LEMD3: variants seen among roughly 807,000 people sequenced by gnomAD.
The protein encoded by LEMD3 is inner nuclear membrane protein Man1.
Under a neutral mutation model 95.2 loss-of-function variants are expected in LEMD3, and 33 were observed. The observed-to-expected ratio is 0.35, with a 90% confidence interval of 0.26 to 0.46. LEMD3 has a LOEUF of 0.46. Ranked by LOEUF, LEMD3 falls within the 20% of genes least tolerant of loss-of-function variation. The pLI is 1.00. For synonymous variants in LEMD3, 525 were observed against 474.6 expected, an observed-to-expected ratio of 1.11 and a Z score of -1.38; for missense variants, 1,210 against 1,192.8, an observed-to-expected ratio of 1.01 and a Z score of -0.21.
In LEMD3 at chr12:65,170,743, A is replaced by G. The variant is rs143295477; in HGVS notation, c.1147A>G (p.Thr383Ala). The change falls in exon 1 of 13, where the codon ACA (threonine) becomes GCA (alanine). Residue 383 changes from threonine (T) to alanine (A), a missense_variant. Thr to Ala is a moderately conservative substitution (Grantham distance 58, BLOSUM62 0). Coordinates refer to ENST00000308330, the MANE Select transcript of LEMD3 (RefSeq NM_014319.5). The stretch of plus-strand genomic sequence containing the variant: ...CATGGACTCAACCTTGGATTCGTCA[A>G]CAGGCTCCCTTCTGAAAACCAATAA... ...TDMDSTLDSSTGSLLKTNNHI... is the reference protein window; with the variant it reads ...TDMDSTLDSSAGSLLKTNNHI... 1.3e-5 allele frequency: 21 copies of G among 1,614,222 alleles called. No individual in the cohort carries two copies. The East Asian group carries it at 2.9e-4, about 22-fold the overall frequency.
intron 1 of LEMD3, among the ~76,000 whole-genome samples, chr12:65,174,659 T>C (rs1272160708): frequency 1.3e-5 from 2 of 152,238 alleles, no homozygotes; most frequent in Non-Finnish European, 1.5e-5. Context: ...TGTGTGTGTG[T>C]ATGTGTGTGT....
chr12:65,170,983 T>A lies in LEMD3; in HGVS notation c.1387T>A (p.Ser463Thr). 1 of 1,614,144 alleles carries A rather than the reference T, an allele frequency of 6.2e-7. No individual in the cohort carries two copies. Among genetic ancestry groups the A allele is most frequent in the Non-Finnish European group, 8.5e-7 (1 of 1,180,010 alleles). The change falls in exon 1 of 13, where the codon TCC becomes ACC. Residue 463 changes from serine (S) to threonine (T), a missense_variant. Transcript: ENST00000308330. ...CCAGCAATTTAAACGGGAGGAGGTG[T>A]CCCCAACAGGGAGTTTCAGTGCCCA... ...LLQQFKREEV[S>T]PTGSFSAHYL...
intron 4 of LEMD3, among the ~76,000 whole-genome samples, chr12:65,233,344 A>C (rs568756104): frequency 5.6e-4 from 85 of 152,318 alleles, no homozygotes; most frequent in Admixed American, 1.2e-3. Flanking sequence ...CAAAGTAGAT[A>C]CATCTGGATA....
intron 1 of LEMD3, among the ~76,000 whole-genome samples, chr12:65,184,292 G>A (rs948659792): frequency 2.0e-5 from 3 of 152,058 alleles, no homozygotes; most frequent in South Asian, 2.1e-4. Flanking sequence ...TTTTGAATAC[G>A]TTGTCTTCCA....
intron 10 of LEMD3, among the ~76,000 whole-genome samples, chr12:65,244,225 T>C (rs1429369566): frequency 1.3e-5 from 2 of 151,872 alleles, no homozygotes; most frequent in Non-Finnish European, 2.9e-5. Flanking sequence ...AAATTGGAAA[T>C]GTGAGGAAGC....
intron 1 of LEMD3, among the ~76,000 whole-genome samples, chr12:65,178,586 C>T (rs550200847): frequency 1.3e-5 from 2 of 152,262 alleles, no homozygotes; most frequent in Admixed American, 1.3e-4. Context: ...AAAACTCATA[C>T]ATGGCACATA....
chr12:65,189,665 T>A (rs1869177375), intron 1 of LEMD3, among the ~76,000 whole-genome samples: 1 of 152,218 alleles, frequency 6.6e-6, no homozygotes. Context: ...CTGCTCCCAT[T>A]TCTATCAAAG....
intron 1 of LEMD3, among the ~76,000 whole-genome samples, chr12:65,186,362 T>TA (rs1869063144): frequency 1.3e-5 from 2 of 152,102 alleles, no homozygotes; most frequent in South Asian, 4.1e-4. Flanking sequence ...CTTTAATTTT[T>TA]AAAAAATTGT....
intron 1 of LEMD3, among the ~76,000 whole-genome samples, chr12:65,193,732 CTGTGTG>C (rs746675293): frequency 7.3e-4 from 95 of 129,432 alleles, no homozygotes; most frequent in South Asian, 1.1e-3. Flanking sequence ...ACATAACTGG[CTGTGTG>C]TGTGTGTGTG....
intron 4 of LEMD3, among the ~76,000 whole-genome samples, chr12:65,222,977 T>G (rs1375060611): frequency 1.3e-5 from 2 of 152,204 alleles, no homozygotes; most frequent in Non-Finnish European, 2.9e-5. Flanking sequence ...ATTTTTAGTT[T>G]CATTTCATTG....
rs1327325410 is a variant in LEMD3 at position 65,217,287 on chromosome 12, C to CT, written c.1627+1245dup. ...ATACTACATAAGTGAATGAGCTTGG[C>CT]TGTATTCCAGTAAAACTTCATTTAT... On this transcript the variant is annotated intron_variant, in intron 3 of 12. Coordinates refer to ENST00000308330, the MANE Select transcript of LEMD3 (RefSeq NM_014319.5). Among the ~76,000 whole-genome samples, 8 of 152,302 alleles carry CT rather than the reference C, an allele frequency of 5.3e-5. 1 individual carries two copies. Among genetic ancestry groups the CT allele is most frequent in the African/African-American group, 1.9e-4 (8 of 41,576 alleles).
At chr12:65,226,153 A>G (rs1171366242) in intron 4 of LEMD3, among the ~76,000 whole-genome samples, 1 of 152,178 alleles carries the variant, frequency 6.6e-6, no homozygotes, top group Non-Finnish European at 1.5e-5. Context: ...GTGTCTTTCA[A>G]CTATTAGATT....
chr12:65,176,108 T>C (rs541715874), intron 1 of LEMD3, among the ~76,000 whole-genome samples: 5 of 152,226 alleles, frequency 3.3e-5, no homozygotes, highest in Non-Finnish European at 7.4e-5. Context: ...ATGGTGTCCC[T>C]GCTTCTAGGC....
At chr12:65,239,174 A>G (rs1026095907) in intron 6 of LEMD3, among the ~76,000 whole-genome samples, 14 of 152,202 alleles carry the variant, frequency 9.2e-5, no homozygotes, top group African/African-American at 3.4e-4. Context: ...AATGTAATTT[A>G]CCTACATTTA....
intron 1 of LEMD3, among the ~76,000 whole-genome samples, chr12:65,197,164 AG>A (rs1869458714): frequency 6.6e-6 from 1 of 152,144 alleles, no homozygotes; most frequent in Admixed American, 6.6e-5. Context: ...TGCTTAACGT[AG>A]GAGCTCCATT....
chr12:65,244,523 A>G (rs1223578871), intron 10 of LEMD3, among the ~76,000 whole-genome samples: 3 of 152,094 alleles, frequency 2.0e-5, no homozygotes, highest in African/African-American at 7.2e-5. Context: ...AAACACCTTA[A>G]AACTGTCATT....
chr12:65,175,176 G>A lies in LEMD3; in HGVS notation c.1522+4058G>A, dbSNP rs11175664. ...AGACCTAAACGCCTTGAGGGCCGTT[G>A]AAAGGAGTCAGAATTTTAAGTGATA... On this transcript the variant is annotated intron_variant, in intron 1 of 12. Coordinates refer to ENST00000308330, the MANE Select transcript of LEMD3 (RefSeq NM_014319.5). Among the ~76,000 whole-genome samples the A allele has an allele frequency of 5.8e-3, 878 of 152,290 alleles. 6 individuals are homozygous for A. The highest frequency in any genetic ancestry group is 0.017 in the Middle Eastern group (5 of 294).
At chr12:65,217,431 A>C (rs1383142472) in intron 3 of LEMD3, among the ~76,000 whole-genome samples, 2 of 152,214 alleles carry the variant, frequency 1.3e-5, no homozygotes, top group African/African-American at 4.8e-5. Flanking sequence ...TGTTCATCTG[A>C]TAGGTACTTC....
intron 1 of LEMD3, among the ~76,000 whole-genome samples, chr12:65,197,866 T>A: frequency 6.6e-6 from 1 of 152,156 alleles, no homozygotes; most frequent in Admixed American, 6.6e-5. Context: ...CTCATTTTAT[T>A]TCTCTGTGCG....
Sources: allele counts gnomAD v4.1 joint callset (sites outside exome capture counted in the v4.1 genomes callset), GRCh38; gene constraint gnomAD v4.1.1; transcripts MANE v1.5; gene names NCBI Gene and HGNC (gene_info 2026-07-23, HGNC 2026-07-21).